Variants in ARB2A observed in about 807,000 individuals in gnomAD.
ARB2A encodes ARB2 cotranscriptional regulator A.
chr5:94,019,746 A>C, the ARB2A span, among the ~76,000 whole-genome samples: 1 of 152,238 alleles, frequency 6.6e-6, no homozygotes. Context: ...ATCTAGAACC[A>C]GAAATACCAT....
the ARB2A span, among the ~76,000 whole-genome samples, chr5:94,004,640 C>T: frequency 2.0e-5 from 3 of 151,504 alleles, no homozygotes; most frequent in South Asian, 2.1e-4. Context: ...GAGAAAAGGA[C>T]AAGTTATAGG....
chr5:93,907,568 A>G, the ARB2A span, among the ~76,000 whole-genome samples: 2 of 151,446 alleles, frequency 1.3e-5, no homozygotes, highest in Non-Finnish European at 3.0e-5. Flanking sequence ...ATACTCTCAC[A>G]ATGTCAAAAT....
chr5:93,848,777 T>C, the ARB2A span, among the ~76,000 whole-genome samples: 1 of 152,230 alleles, frequency 6.6e-6, no homozygotes, highest in African/African-American at 2.4e-5. Flanking sequence ...TAAAGATTGT[T>C]GGGAGTAGAC....
At chr5:94,025,618 T>C in the ARB2A span, among the ~76,000 whole-genome samples, 2 of 152,210 alleles carry the variant, frequency 1.3e-5, no homozygotes, top group East Asian at 1.9e-4. Flanking sequence ...GCAGTGAAGA[T>C]GGAGAAAAAT....
chr5:93,661,828 G>A, the ARB2A span, among the ~76,000 whole-genome samples: 5 of 152,084 alleles, frequency 3.3e-5, no homozygotes, highest in African/African-American at 1.2e-4. Flanking sequence ...CCAAGAGACC[G>A]GTGGATGATT....
the ARB2A span, among the ~76,000 whole-genome samples, chr5:94,099,624 C>CAAA: frequency 1.8e-3 from 24 of 13,648 alleles, 3 homozygotes; most frequent in South Asian, 3.2e-3. Context: ...GACTCCGTCT[C>CAAA]AAAAAAAAAA....
the ARB2A span, among the ~76,000 whole-genome samples, chr5:93,775,568 C>T: frequency 6.6e-6 from 1 of 152,220 alleles, no homozygotes; most frequent in South Asian, 2.1e-4. Flanking sequence ...CTCATCTCTT[C>T]ACCTCTTCCC....
chr5:94,047,492 CAAA>C, the ARB2A span, among the ~76,000 whole-genome samples: 2 of 81,122 alleles, frequency 2.5e-5, no homozygotes. Flanking sequence ...GACTCCATCT[CAAA>C]AAAAAAAAAA....
chr5:94,026,928 T>C, the ARB2A span, among the ~76,000 whole-genome samples: 6 of 152,174 alleles, frequency 3.9e-5, no homozygotes, highest in Non-Finnish European at 7.4e-5. Context: ...AAAAGAGGAT[T>C]CCTGAAGATC....
the ARB2A span, among the ~76,000 whole-genome samples, chr5:93,759,884 A>G: frequency 3.9e-5 from 6 of 152,208 alleles, no homozygotes; most frequent in Non-Finnish European, 8.8e-5. Context: ...ATACACTGGA[A>G]GTTCCAGCCA....
the ARB2A span, among the ~76,000 whole-genome samples, chr5:93,791,323 T>C: frequency 4.1e-4 from 63 of 152,340 alleles, no homozygotes; most frequent in African/African-American, 1.5e-3. Flanking sequence ...GGAAATAATT[T>C]GATCATCGTA....
the ARB2A span, among the ~76,000 whole-genome samples, chr5:93,835,452 T>C: frequency 2.0e-5 from 3 of 152,204 alleles, no homozygotes; most frequent in South Asian, 4.1e-4. Context: ...AAAAAGTAAG[T>C]ACTCCTATAA....
the ARB2A span, among the ~76,000 whole-genome samples, chr5:94,102,443 C>A: frequency 6.6e-6 from 1 of 152,046 alleles, no homozygotes; most frequent in Non-Finnish European, 1.5e-5. Flanking sequence ...AAGACCAATT[C>A]TTCGAATGAA....
the ARB2A span, among the ~76,000 whole-genome samples, chr5:94,018,264 C>G: frequency 6.6e-6 from 1 of 152,164 alleles, no homozygotes; most frequent in Non-Finnish European, 1.5e-5. Context: ...CTATAACAAT[C>G]TAAAGAAGAC....
the ARB2A span, among the ~76,000 whole-genome samples, chr5:93,622,608 C>G: frequency 6.6e-6 from 1 of 152,286 alleles, no homozygotes; most frequent in South Asian, 2.1e-4. Flanking sequence ...CAGTGCCCTC[C>G]CAAGGATTCT....
At chr5:94,076,571 T>C in the ARB2A span, among the ~76,000 whole-genome samples, 1 of 152,220 alleles carries the variant, frequency 6.6e-6, no homozygotes, top group Admixed American at 6.5e-5. Flanking sequence ...CCTAGACTGA[T>C]AATTACAATA....
At chr5:93,939,594 G>A in the ARB2A span, among the ~76,000 whole-genome samples, 1 of 151,944 alleles carries the variant, frequency 6.6e-6, no homozygotes, top group African/African-American at 2.4e-5. Context: ...CTACTTAACA[G>A]TATTTTCCCA....
chr5:93,913,278 A>G, the ARB2A span, among the ~76,000 whole-genome samples: 1 of 151,904 alleles, frequency 6.6e-6, no homozygotes, highest in South Asian at 2.1e-4. Flanking sequence ...CGGCCAGGAG[A>G]AAAGTCAGTT....
chr5:93,985,982 G>A, the ARB2A span, among the ~76,000 whole-genome samples: 13 of 149,748 alleles, frequency 8.7e-5, no homozygotes, highest in South Asian at 6.3e-4. Context: ...AGTGAGGAGC[G>A]TCTCTGCCTG....
Sources: gnomAD v4.1 joint callset for allele counts (sites outside exome capture counted in the v4.1 genomes callset) on GRCh38, gnomAD v4.1.1 for gene constraint, MANE v1.5 for transcripts, NCBI Gene and HGNC (gene_info 2026-07-23, HGNC 2026-07-21) for gene names.